UBE2E1: variants seen among roughly 807,000 people sequenced by gnomAD.
UBE2E1 encodes ubiquitin conjugating enzyme E2 E1.
UBE2E1 carries 6 observed loss-of-function variants against 21.4 expected under a neutral mutation model. The observed-to-expected ratio is 0.28, with a 90% CI of 0.15 to 0.55. The LOEUF (loss-of-function observed/expected upper bound fraction) is 0.55. UBE2E1 is among the 20% of genes least tolerant of loss of function. The pLI is 0.93. For synonymous variants in UBE2E1, 87 were observed against 82.7 expected, an observed-to-expected ratio of 1.05 and a Z score of -0.28; for missense variants, 142 against 236.5, an observed-to-expected ratio of 0.60 and a Z score of 2.62.
chr3:23,839,650 T>A (rs1700044076), intron 3 of UBE2E1, among the ~76,000 whole-genome samples: 1 of 152,066 alleles, frequency 6.6e-6, no homozygotes, highest in African/African-American at 2.4e-5. Flanking sequence ...ACAAATTCTT[T>A]GTTTTATTAT....
chr3:23,887,316 G>C lies in UBE2E1; in HGVS notation c.204-251G>C, dbSNP rs1161131963. Reference sequence around the variant, plus strand: ...CGTGTCCAGGAGAGTTTTGAGAATTGAGGAAAGTTTCCTGCTTATTCGTAG... The same window carrying C: ...CGTGTCCAGGAGAGTTTTGAGAATTCAGGAAAGTTTCCTGCTTATTCGTAG... On this transcript the variant is annotated intron_variant, in intron 3 of 5. Coordinates refer to ENST00000306627, the MANE Select transcript of UBE2E1 (RefSeq NM_003341.5). This position sits in a 1 kb window ranked among gnomAD's most constrained non-coding sequence, Gnocchi z 4.4. Among the ~76,000 whole-genome samples, 1 of 152,188 alleles carries C rather than the reference G, an allele frequency of 6.6e-6. No homozygotes were observed. Among genetic ancestry groups the C allele is most frequent in the Non-Finnish European group, 1.5e-5 (1 of 68,026 alleles).
rs1700378211 is a variant in UBE2E1 at position 23,853,803 on chromosome 3, A to G, written c.204-33764A>G. 6.6e-6 allele frequency among the ~76,000 whole-genome samples: 1 copy of G among 152,188 alleles called. No homozygotes were observed. The highest frequency in any genetic ancestry group is 6.5e-5 in the Admixed American group (1 of 15,282). ...TGGTGGTTTTTCAGGGATACCACCC[A>G]GTGACCATCTGTGGTGGTCATATGT... On this transcript the variant is annotated intron_variant, in intron 3 of 5. Coordinates refer to ENST00000306627, the MANE Select transcript of UBE2E1 (RefSeq NM_003341.5). The surrounding 1 kb of genome is among the most constrained non-coding windows in gnomAD (Gnocchi z 4.1).
chr3:23,871,888 A>C (rs1437137188), intron 3 of UBE2E1, among the ~76,000 whole-genome samples: 1 of 148,908 alleles, frequency 6.7e-6, no homozygotes, highest in Non-Finnish European at 1.5e-5. Context: ...CACTTTCCAG[A>C]CTGGGCAGCC....
chr3:23,882,558 G>A (rs754999466), intron 3 of UBE2E1, among the ~76,000 whole-genome samples: 44 of 152,040 alleles, frequency 2.9e-4, no homozygotes, highest in Non-Finnish European at 3.5e-4. Context: ...GGCAGGCGAT[G>A]GGACCGGGAG....
At chr3:23,814,032 G>A (rs1474250596) in intron 3 of UBE2E1, among the ~76,000 whole-genome samples, 1 of 152,104 alleles carries the variant, frequency 6.6e-6, no homozygotes, top group Non-Finnish European at 1.5e-5. Context: ...AGCATTCAGT[G>A]TGTAGTTTTA....
intron 5 of UBE2E1, 133 bp from the exon 6 acceptor site, chr3:23,890,376 G>C (rs1701367386): frequency 1.4e-6 from 1 of 691,818 alleles, no homozygotes; most frequent in African/African-American, 1.8e-5. Flanking sequence ...ATCCAGCATG[G>C]TGGAGTGGTG....
intron 3 of UBE2E1, among the ~76,000 whole-genome samples, chr3:23,838,829 A>G (rs1329566167): frequency 2.7e-5 from 4 of 150,274 alleles, no homozygotes; most frequent in Non-Finnish European, 5.9e-5. Context: ...TTAATTTTCA[A>G]TTTATCCTAT....
At chr3:23,841,098 A>G (rs1700075123) in intron 3 of UBE2E1, among the ~76,000 whole-genome samples, 1 of 152,230 alleles carries the variant, frequency 6.6e-6, no homozygotes, top group African/African-American at 2.4e-5. Flanking sequence ...TTCAGCTTTT[A>G]TACATCTATA....
At chr3:23,830,292 A>G (rs971984790) in intron 3 of UBE2E1, among the ~76,000 whole-genome samples, 13 of 152,174 alleles carry the variant, frequency 8.5e-5, no homozygotes, top group African/African-American at 2.9e-4. Flanking sequence ...TATGTATTAT[A>G]AATAGATTTA....
At chr3:23,811,645 A>G (rs1332811512) in intron 3 of UBE2E1, 135 bp downstream of exon 3, 1 of 783,056 alleles carries the variant, frequency 1.3e-6, no homozygotes, top group Non-Finnish European at 2.1e-6. Flanking sequence ...GTAACAGCTG[A>G]AATTTATTAA....
At chr3:23,856,613 G>A (rs1310795585) in intron 3 of UBE2E1, among the ~76,000 whole-genome samples, 1 of 152,102 alleles carries the variant, frequency 6.6e-6, no homozygotes, top group Non-Finnish European at 1.5e-5. Flanking sequence ...AAGCCACTAT[G>A]GACCTCACGT....
intron 3 of UBE2E1, among the ~76,000 whole-genome samples, chr3:23,811,902 T>C (rs1029024610): frequency 1.3e-5 from 2 of 152,220 alleles, no homozygotes; most frequent in African/African-American, 4.8e-5. Flanking sequence ...TCTGCTAAGC[T>C]AAGAGAACAT....
In UBE2E1 at chr3:23,806,567, C is replaced by T. The variant is rs1699275465; in HGVS notation, c.-34+479C>T. On this transcript the variant is annotated intron_variant, in intron 1 of 5. Coordinates refer to ENST00000306627, the MANE Select transcript of UBE2E1 (RefSeq NM_003341.5). This position sits in a 1 kb window ranked among gnomAD's most constrained non-coding sequence, Gnocchi z 6.5. ...TACAGGAGTGGCGATCGGGCGTGTG[C>T]TCCGGACCCCCGCCCGGCCGCATAG... 6.6e-6 allele frequency among the ~76,000 whole-genome samples: 1 copy of T among 151,374 alleles called. No homozygotes were observed. The highest frequency in any genetic ancestry group is 2.1e-4 in the South Asian group (1 of 4,794).
chr3:23,864,035 C>T (rs117926093), intron 3 of UBE2E1, among the ~76,000 whole-genome samples: 1,904 of 152,230 alleles, frequency 0.013, 21 homozygotes, highest in South Asian at 0.051. Context: ...AGAGTACATC[C>T]CTCAGTAACT....
chr3:23,873,858 C>G (rs1168258932), intron 3 of UBE2E1, among the ~76,000 whole-genome samples: 1 of 152,170 alleles, frequency 6.6e-6, no homozygotes, highest in Non-Finnish European at 1.5e-5. Context: ...AGTTGGAACA[C>G]TTTTGAAAGC....
intron 3 of UBE2E1, among the ~76,000 whole-genome samples, chr3:23,819,811 A>C (rs1304160969): frequency 6.6e-6 from 1 of 152,186 alleles, no homozygotes. Flanking sequence ...AATCACAGAG[A>C]AGCTCTGGAC....
intron 3 of UBE2E1, among the ~76,000 whole-genome samples, chr3:23,884,131 T>C (rs1701120822): frequency 6.6e-6 from 1 of 151,668 alleles, no homozygotes; most frequent in South Asian, 2.1e-4. Context: ...AATACAAGTG[T>C]AATACGTTTT....
In UBE2E1 at chr3:23,870,411, C is replaced by T. The variant is rs1000475749; in HGVS notation, c.204-17156C>T. ...TGAGCAGTTTCAAACAATCTGTGGA[C>T]GGTGTTGTAAAACTGCCACAGGGAG... On this transcript the variant is annotated intron_variant, in intron 3 of 5. Coordinates refer to ENST00000306627, the MANE Select transcript of UBE2E1 (RefSeq NM_003341.5). The surrounding 1 kb of genome is among the most constrained non-coding windows in gnomAD (Gnocchi z 4.2). 2.6e-5 allele frequency among the ~76,000 whole-genome samples: 4 copies of T among 152,192 alleles called. No homozygotes were observed. The highest frequency in any genetic ancestry group is 9.6e-5 in the African/African-American group (4 of 41,452).
rs1247063313 is a variant in UBE2E1 at position 23,816,118 on chromosome 3, G to A, written c.203+4608G>A. 2.6e-5 allele frequency among the ~76,000 whole-genome samples: 4 copies of A among 152,294 alleles called. No homozygotes were observed. The highest frequency in any genetic ancestry group is 6.8e-3 in the Middle Eastern group (2 of 294). On this transcript the variant is annotated intron_variant, in intron 3 of 5. Coordinates refer to ENST00000306627, the MANE Select transcript of UBE2E1 (RefSeq NM_003341.5). This position sits in a 1 kb window ranked among gnomAD's most constrained non-coding sequence, Gnocchi z 4.8. ...TGTGTTTACCAAAAGACTATATCTG[G>A]ATTGTAAAACTGTACTATTGTTATT...
Sources: allele counts gnomAD v4.1 joint callset (sites outside exome capture counted in the v4.1 genomes callset), GRCh38; gene constraint gnomAD v4.1.1; non-coding constraint Gnocchi (gnomAD v3.1); transcripts MANE v1.5; gene names NCBI Gene and HGNC (gene_info 2026-07-23, HGNC 2026-07-21).